ANXA8: variants seen among roughly 807,000 people sequenced by gnomAD.
ANXA8 encodes VAC-beta.
ANXA8 carries 9 observed loss-of-function variants against 26.8 expected under a neutral mutation model. The ratio of observed to expected loss-of-function variants is 0.34; its 90% CI spans 0.20 to 0.59. The LOEUF is 0.59. Among genes scored for constraint, ANXA8 ranks in the 20% least tolerant of loss-of-function variants. ANXA8 has a pLI of 0.84. For missense variants in ANXA8, 83 were observed against 238.5 expected (o/e 0.35, Z 4.29); for synonymous variants, 39 against 94.8 (o/e 0.41, Z 3.42).
At chr10:47,748,503 G>A in the ANXA8 span, among the ~76,000 whole-genome samples, 17 of 152,148 alleles carry the variant, frequency 1.1e-4, no homozygotes, top group Non-Finnish European at 1.8e-4. Context: ...GTGAGCCACC[G>A]CACCCGACCC....
At chr10:47,492,352 T>G in the ANXA8 span, among the ~76,000 whole-genome samples, 1 of 147,502 alleles carries the variant, frequency 6.8e-6, no homozygotes, top group African/African-American at 2.4e-5. Context: ...AGAGGCTCTG[T>G]GAGGTCAGCA....
At chr10:47,668,043 CAG>C in the ANXA8 span, among the ~76,000 whole-genome samples, 18 of 151,874 alleles carry the variant, frequency 1.2e-4, no homozygotes, top group South Asian at 3.5e-3. Flanking sequence ...TGGCTTCACT[CAG>C]TGTTTTCAGT....
At chr10:47,650,835 A>G in the ANXA8 span, among the ~76,000 whole-genome samples, 3 of 149,704 alleles carry the variant, frequency 2.0e-5, no homozygotes, top group Non-Finnish European at 4.4e-5. Flanking sequence ...AAGAATTTGA[A>G]GAGATATTTC....
At chr10:47,769,577 G>A in the ANXA8 span, among the ~76,000 whole-genome samples, 11 of 151,766 alleles carry the variant, frequency 7.2e-5, no homozygotes, top group Admixed American at 3.3e-4. Flanking sequence ...TAGGGAGCTC[G>A]GGGCTCTCAC....
At chr10:47,488,611 A>G (rs1208580671), upstream of ANXA8, among the ~76,000 whole-genome samples, 84 of 147,838 alleles carry the variant, frequency 5.7e-4, no homozygotes, top group African/African-American at 2.0e-3. Context: ...CCTGGAATCT[A>G]TTTTGTTGAA....
the ANXA8 span, among the ~76,000 whole-genome samples, chr10:47,489,182 T>A: frequency 6.9e-6 from 1 of 144,498 alleles, no homozygotes; most frequent in Admixed American, 7.0e-5. Context: ...CATGCCCGGC[T>A]AATTTTTATG....
the ANXA8 span, among the ~76,000 whole-genome samples, chr10:47,665,744 A>G: frequency 6.6e-6 from 1 of 151,206 alleles, no homozygotes; most frequent in Non-Finnish European, 1.5e-5. Context: ...CATGGCTCTT[A>G]GGAATAAATT....
the ANXA8 span, among the ~76,000 whole-genome samples, chr10:47,684,174 TG>T: frequency 6.6e-6 from 1 of 152,140 alleles, no homozygotes; most frequent in Admixed American, 6.5e-5. Context: ...TTTAACCCTC[TG>T]AGTACACCTA....
At chr10:47,730,778 A>C in the ANXA8 span, among the ~76,000 whole-genome samples, 8 of 149,500 alleles carry the variant, frequency 5.4e-5, no homozygotes, top group African/African-American at 2.0e-4. Flanking sequence ...GGAACCACAG[A>C]GAAGACACTC....
At chr10:47,744,413 G>GGGGGGGGGTGGGGGGGGGGGGGGGAA in the ANXA8 span, among the ~76,000 whole-genome samples, 1 of 3,978 alleles carries the variant, frequency 2.5e-4, no homozygotes, top group Non-Finnish European at 4.7e-4. Context: ...GCTCCTGGTG[G>GGGGGGGGGTGGGGGGGGGGGGGGGAA]GGGGGGGGTT....
the ANXA8 span, among the ~76,000 whole-genome samples, chr10:47,683,139 C>A: frequency 1.3e-5 from 2 of 151,520 alleles, no homozygotes; most frequent in Admixed American, 6.6e-5. Context: ...GGAAAAAAAT[C>A]ATCTTATATC....
intron 6 of ANXA8, among the ~76,000 whole-genome samples, 174 bp downstream of exon 6, chr10:47,475,319 G>A (rs1839491864): frequency 6.6e-6 from 1 of 151,794 alleles, no homozygotes; most frequent in Non-Finnish European, 1.5e-5. Flanking sequence ...CAGGTGTGGG[G>A]GCTCTGCAGT....
the ANXA8 span, among the ~76,000 whole-genome samples, chr10:47,495,810 T>G: frequency 6.6e-6 from 1 of 150,770 alleles, no homozygotes; most frequent in Admixed American, 6.6e-5. Context: ...GCCAGGGAAG[T>G]GCAGAAGAAC....
the ANXA8 span, among the ~76,000 whole-genome samples, chr10:47,681,311 T>C: frequency 6.6e-6 from 1 of 151,466 alleles, no homozygotes; most frequent in African/African-American, 2.4e-5. Context: ...TGTTATTTGC[T>C]GAGTATGACT....
chr10:47,670,553 T>C, the ANXA8 span, among the ~76,000 whole-genome samples: 2 of 152,206 alleles, frequency 1.3e-5, no homozygotes, highest in South Asian at 4.1e-4. Context: ...TTTATTATAG[T>C]CATTCTAGTG....
chr10:47,561,627 C>T, the ANXA8 span, among the ~76,000 whole-genome samples: 2 of 151,696 alleles, frequency 1.3e-5, no homozygotes, highest in Non-Finnish European at 2.9e-5. Context: ...GTGGCCATAG[C>T]TTTTCTTTCT....
the ANXA8 span, among the ~76,000 whole-genome samples, chr10:47,673,502 G>A: frequency 1.4e-5 from 2 of 147,212 alleles, no homozygotes; most frequent in Non-Finnish European, 3.0e-5. Flanking sequence ...ATGTAAGGAA[G>A]CTGCCCTCCA....
the ANXA8 span, among the ~76,000 whole-genome samples, chr10:47,951,180 T>C: frequency 2.7e-5 from 4 of 149,582 alleles, no homozygotes; most frequent in South Asian, 2.1e-4. Context: ...GGCAACAAAT[T>C]TGACAACCCA....
At chr10:47,513,071 T>A in the ANXA8 span, among the ~76,000 whole-genome samples, 3 of 140,390 alleles carry the variant, frequency 2.1e-5, no homozygotes. Flanking sequence ...CTTGCTCTGT[T>A]GCCCAGGCTG....
Sources: gnomAD v4.1 joint callset for allele counts (sites outside exome capture counted in the v4.1 genomes callset) on GRCh38, gnomAD v4.1.1 for gene constraint, MANE v1.5 for transcripts, NCBI Gene and HGNC (gene_info 2026-07-23, HGNC 2026-07-21) for gene names.